The following DGCR8 variants were observed in gnomAD, a reference collection of about 807,000 sequenced individuals.
DGCR8 encodes DGCR8 microprocessor complex subunit.
A neutral mutation model predicts 78.5 loss-of-function variants in DGCR8; 14 were observed. That is an observed-to-expected ratio of 0.18 (90% CI 0.12 to 0.28). The LOEUF (loss-of-function observed/expected upper bound fraction) is 0.28. Among genes scored for constraint, DGCR8 ranks in the 10% least tolerant of loss-of-function variants. The pLI, the probability that DGCR8 is intolerant of heterozygous loss-of-function variation, is 1.00. For synonymous variants in DGCR8, 399 were observed against 402.4 expected (o/e 0.99, Z 0.10); for missense variants, 702 against 1,022.5 (o/e 0.69, Z 4.28).
intron 1 of DGCR8, 103 bp downstream of exon 1, chr22:20,080,486 C>T (rs1343816731): frequency 1.0e-6 from 1 of 983,432 alleles, no homozygotes; most frequent in Non-Finnish European, 1.2e-6. Context: ...ACCGAGGCCG[C>T]GGGCGGGGCG....
At chr22:20,099,404 A>G (rs1053967244) in intron 9 of DGCR8, among the ~76,000 whole-genome samples, 5 of 152,158 alleles carry the variant, frequency 3.3e-5, no homozygotes, top group African/African-American at 1.2e-4. Flanking sequence ...ACTGAGTGAG[A>G]TCAAATAAAG....
intron 9 of DGCR8, chr22:20,100,663 T>A: frequency 8.1e-6 from 8 of 985,422 alleles, no homozygotes; most frequent in Non-Finnish European, 9.6e-6. Context: ...GGGGTTCTTC[T>A]GTGAAGTGGA....
Position 20,111,437 on chromosome 22 carries a change from C to T in DGCR8, c.*1329C>T. 1 of 398,164 alleles carries T rather than the reference C, an allele frequency of 2.5e-6. No individual in the cohort carries two copies. The highest frequency in any genetic ancestry group is 4.4e-6 in the Non-Finnish European group (1 of 225,978). The allele number at this position is 398,164 out of a possible 1,614,324, so 24.7% of individuals were successfully genotyped here. On this transcript the variant is annotated 3_prime_UTR_variant, in exon 14 of 14. Transcript: ENST00000351989. ...CCACAACATATCCTTCCCTCACTAC[C>T]TGTGTGACCAAGGTTGGCTTCTGTT...
At chr22:20,109,998 TA>T (rs757588888) in intron 13 of DGCR8, 26 bp from the exon 14 acceptor site, 303 of 1,611,772 alleles carry the variant, frequency 1.9e-4, no homozygotes, top group Non-Finnish European at 2.5e-4. Flanking sequence ...ACCTCACTGG[TA>T]CCCCTGACCT....
chr22:20,081,394 C>G (rs887203771), intron 1 of DGCR8, among the ~76,000 whole-genome samples: 1 of 152,200 alleles, frequency 6.6e-6, no homozygotes, highest in Non-Finnish European at 1.5e-5. Flanking sequence ...GCCGTGAGCC[C>G]GTTCCTGTCC....
chr22:20,086,384 G>A lies in DGCR8; in HGVS notation c.421G>A (p.Glu141Lys). ...CAGGAAGGTGCTGTACACAGGAGCA[G>A]AGCGCGACGTGCGGGCGGAGTGCGG... ...KDRKVLYTGA[E>K]RDVRAECGLL... is the part of the protein sequence containing the mutation. The change falls in exon 2 of 14, where the codon GAG becomes AAG. Residue 141 changes from glutamate to lysine, a missense_variant. By Grantham distance (56) the Glu-to-Lys change is moderately conservative (BLOSUM62 1). Around this residue, in one of 4 missense-constraint regions of DGCR8, gnomAD observed 356 missense variants for 448.9 expected, o/e 0.79. Transcript: ENST00000351989. This position sits in a 1 kb window ranked among gnomAD's most constrained non-coding sequence, Gnocchi z 6.4. 4 of 1,614,046 alleles carry A rather than the reference G, an allele frequency of 2.5e-6. No individual in the cohort carries two copies. Among genetic ancestry groups the A allele is most frequent in the Non-Finnish European group, 3.4e-6 (4 of 1,180,030 alleles).
rs142171508 is a variant in DGCR8 at position 20,086,623 on chromosome 22, G to A, written c.660G>A (p.Thr220=). 4.2e-5 allele frequency: 68 copies of A among 1,612,544 alleles called. No individual in the cohort carries two copies. Among genetic ancestry groups the A allele is most frequent in the Non-Finnish European group, 5.3e-5 (62 of 1,179,918 alleles). ...ELDEEGAGGF[T]AKAIVQRDRV... is the part of the protein sequence containing the mutation. ...ATGAAGAAGGAGCAGGCGGGTTCAC[G>A]GCTAAAGCAATCGTTCAGAGAGACA... is the stretch of plus-strand genomic sequence containing the variant. Residue 220 remains threonine (T), a synonymous_variant, in exon 2 of 14, where the codon ACG becomes ACA. Coordinates refer to ENST00000351989, the MANE Select transcript of DGCR8 (RefSeq NM_022720.7). The surrounding 1 kb of genome is among the most constrained non-coding windows in gnomAD (Gnocchi z 6.4).
chr22:20,093,905 C>T (rs1004197955), intron 8 of DGCR8, among the ~76,000 whole-genome samples: 6 of 152,202 alleles, frequency 3.9e-5, no homozygotes, highest in Admixed American at 6.5e-5. Flanking sequence ...GGTTGATTCT[C>T]GAGGTATCTG....
At position 20,111,557 on chromosome 22, in the gene DGCR8, T is replaced by C. The variant is rs149622945; in HGVS notation, c.*1449T>C. The C allele has an allele frequency of 7.5e-3, 2,989 of 397,682 alleles. 16 individuals carry two copies. Among genetic ancestry groups the C allele is most frequent in the Non-Finnish European group, 0.011 (2,407 of 225,968 alleles). The allele number at this position is 397,682 out of a possible 1,614,324, so 24.6% of individuals were successfully genotyped here. On this transcript the variant is annotated 3_prime_UTR_variant, in exon 14 of 14. Coordinates refer to ENST00000351989, the MANE Select transcript of DGCR8 (RefSeq NM_022720.7). ...CTGCAGCTGTGAATAGTCATTTGAC[T>C]GTGACTGTTGCCCTTAGCCAGCCAG...
chr22:20,084,274 A>G (rs1311595799), intron 1 of DGCR8, among the ~76,000 whole-genome samples: 1 of 151,912 alleles, frequency 6.6e-6, no homozygotes, highest in Admixed American at 6.6e-5. Flanking sequence ...TCTTGGGAGG[A>G]TGTTAGGTCA....
rs1456233433 is a variant in DGCR8, at chr22:20,106,694, G to A, written c.1992G>A (p.Gly664=). 1.2e-6 allele frequency: 2 copies of A among 1,612,376 alleles called. No individual in the cohort carries two copies. Among genetic ancestry groups the A allele is most frequent in the South Asian group, 1.1e-5 (1 of 91,048 alleles). Residue 664 remains glycine (G), a synonymous_variant, in exon 11 of 14, where the codon GGG becomes GGA. Coordinates refer to ENST00000351989, the MANE Select transcript of DGCR8 (RefSeq NM_022720.7). ...VMACGKHTVR[G]WCKNKRVGKQ... ...CGTGTGGCAAGCACACAGTGCGCGG[G>A]TGGTGTAAGGACTCCTTCTCTGCTG...
chr22:20,103,583 G>A (rs550694587), intron 9 of DGCR8, among the ~76,000 whole-genome samples: 2 of 152,136 alleles, frequency 1.3e-5, no homozygotes, highest in Non-Finnish European at 1.5e-5. Flanking sequence ...TCCTTTTCAT[G>A]TGTTAATGGC....
rs2049782391 is a variant in DGCR8, at chr22:20,107,265, G to GT, written c.1997-5dup. 2.5e-6 allele frequency: 4 copies of GT among 1,614,140 alleles called. No individual in the cohort carries two copies. The highest frequency in any genetic ancestry group is 1.6e-4 in the Middle Eastern group (1 of 6,062). On this transcript the variant is annotated splice_region_variant and splice_polypyrimidine_tract_variant and intron_variant, in intron 11 of 13. Coordinates refer to ENST00000351989, the MANE Select transcript of DGCR8 (RefSeq NM_022720.7). ...CCCTCTCCATGCTTGCTCTTTCTCT[G>GT]TGTAGGTAAGAACAAGAGAGTTGGA...
chr22:20,090,985 ATGCGAGGCCC>A (rs1399644279), intron 5 of DGCR8, among the ~76,000 whole-genome samples: 2 of 152,106 alleles, frequency 1.3e-5, no homozygotes, highest in African/African-American at 2.4e-5. Context: ...AATGTGACAA[ATGCGAGGCCC>A]TGTGCAGGGA....
intron 3 of DGCR8, among the ~76,000 whole-genome samples, chr22:20,088,270 T>C (rs1441895247): frequency 6.6e-6 from 1 of 152,160 alleles, no homozygotes; most frequent in African/African-American, 2.4e-5. Flanking sequence ...CTTCAGCTTC[T>C]GGGGCTGGGG....
At chr22:20,109,906 G>C in intron 13 of DGCR8, 119 bp from the exon 14 acceptor site, 1 of 932,364 alleles carries the variant, frequency 1.1e-6, no homozygotes, top group Non-Finnish European at 1.7e-6. Context: ...AAGCACTGGT[G>C]CCGTTGGGGC....
At chr22:20,088,633 A>G (rs959154913) in intron 3 of DGCR8, among the ~76,000 whole-genome samples, 3 of 152,180 alleles carry the variant, frequency 2.0e-5, no homozygotes, top group Non-Finnish European at 4.4e-5. Flanking sequence ...CGCAGTGTGC[A>G]TGCACCCCTG....
At chr22:20,104,965 C>T (rs981012862) in intron 9 of DGCR8, among the ~76,000 whole-genome samples, 12 of 152,348 alleles carry the variant, frequency 7.9e-5, no homozygotes, top group South Asian at 2.1e-4. Context: ...TAGGTTTCCT[C>T]GCTGCCCATG....
In DGCR8 at chr22:20,089,534, G is replaced by A; in HGVS notation, c.881-135G>A. On this transcript the variant is annotated intron_variant, in intron 3 of 13. Coordinates refer to ENST00000351989, the MANE Select transcript of DGCR8 (RefSeq NM_022720.7). The surrounding 1 kb of genome is among the most constrained non-coding windows in gnomAD (Gnocchi z 4.9). ...GAGGCATAGCAGTGAGCAAGGCAGA[G>A]AGGAATTTCGATTATCTGTGAAGAC... 1.0e-6 allele frequency: 1 copy of A among 963,614 alleles called. No homozygotes were observed. Among genetic ancestry groups the A allele is most frequent in the South Asian group, 1.5e-5 (1 of 65,672 alleles). The allele number at this position is 963,614 out of a possible 1,614,324, so 59.7% of individuals were successfully genotyped here. A position where few individuals can be genotyped will look rare whatever the true frequency, so the allele number is the denominator to read the frequency against.
Sources: gnomAD v4.1 joint callset for allele counts (sites outside exome capture counted in the v4.1 genomes callset) on GRCh38, gnomAD v4.1.1 for gene constraint, gnomAD v4.1.1 regional missense constraint, Gnocchi (gnomAD v3.1) non-coding constraint, MANE v1.5 for transcripts, NCBI Gene and HGNC (gene_info 2026-07-23, HGNC 2026-07-21) for gene names.